The following SLC22A23 variants were observed in gnomAD, a reference collection of about 807,000 sequenced individuals.
SLC22A23 encodes the protein ion transporter protein.
A neutral mutation model predicts 61.0 loss-of-function variants in SLC22A23; 26 were observed. The observed-to-expected ratio is 0.43, with a 90% confidence interval of 0.31 to 0.59. The LOEUF (loss-of-function observed/expected upper bound fraction) is 0.59, where lower values mean the gene tolerates loss of function less well. Ranked by LOEUF, SLC22A23 falls within the 20% of genes least tolerant of loss-of-function variation. The pLI is 0.11. For synonymous variants in SLC22A23, 430 were observed against 413.9 expected, an observed-to-expected ratio of 1.04 and a Z score of -0.47; for missense variants, 796 against 934.7, an observed-to-expected ratio of 0.85 and a Z score of 1.94.
chr6:3,444,035 A>G (rs890665384), intron 1 of SLC22A23, among the ~76,000 whole-genome samples: 1 of 152,196 alleles, frequency 6.6e-6, no homozygotes, highest in Non-Finnish European at 1.5e-5. Flanking sequence ...ATGTAATTTA[A>G]ATTTGTTTTA....
intron 3 of SLC22A23, among the ~76,000 whole-genome samples, chr6:3,362,892 T>C (rs1186395631): frequency 1.3e-5 from 2 of 152,226 alleles, no homozygotes; most frequent in Admixed American, 6.5e-5. Context: ...GTGCCAGCTT[T>C]TGCCATGACC....
intron 3 of SLC22A23, among the ~76,000 whole-genome samples, chr6:3,350,810 C>G (rs766978892): frequency 6.6e-6 from 1 of 152,072 alleles, no homozygotes; most frequent in African/African-American, 2.4e-5. Flanking sequence ...ATTTTCACAT[C>G]AGAGAGAGAA....
At chr6:3,307,149 T>A (rs935095350) in intron 4 of SLC22A23, among the ~76,000 whole-genome samples, 2 of 152,154 alleles carry the variant, frequency 1.3e-5, no homozygotes, top group Admixed American at 1.3e-4. Flanking sequence ...CAGGTGGCAC[T>A]TGGTTACTGA....
In SLC22A23 at chr6:3,277,228, A is replaced by G. The variant is rs78824374; in HGVS notation, c.1704-3816T>C. Among the ~76,000 whole-genome samples the G allele has an allele frequency of 1.8e-3, 273 of 152,174 alleles. 1 individual carries two copies. The highest frequency in any genetic ancestry group is 5.3e-3 in the African/African-American group (222 of 41,522). ...CCTCTCCCATGGGCCTAAAGCCTCC[A>G]GGCATGACATGGAGTCCTAAAAGTT... is the stretch of plus-strand genomic sequence containing the variant. On this transcript the variant is annotated intron_variant, in intron 9 of 9. Transcript: ENST00000406686.
Position 3,286,779 on chromosome 6 carries a change from C to A in SLC22A23, c.1546+80G>T, listed in dbSNP as rs1760049792. On this transcript the variant is annotated intron_variant, in intron 7 of 9. Transcript: ENST00000406686. This position sits in a 1 kb window ranked among gnomAD's most constrained non-coding sequence, Gnocchi z 4.2. ...TAGATTTTAGAGTGGCCAGCGGAGTCTTATGCAGCCCTTTCAAATGCCCTT... is the reference window on the plus strand; with the variant it reads ...TAGATTTTAGAGTGGCCAGCGGAGTATTATGCAGCCCTTTCAAATGCCCTT... The A allele has an allele frequency of 2.4e-6, 3 of 1,232,982 alleles. No individual in the cohort carries two copies. Among genetic ancestry groups the A allele is most frequent in the South Asian group, 2.7e-5 (2 of 74,648 alleles). The allele number at this position is 1,232,982 out of a possible 1,614,324, so 76.4% of individuals were successfully genotyped here.
chr6:3,352,568 G>A (rs1489643281), intron 3 of SLC22A23, among the ~76,000 whole-genome samples: 1 of 152,160 alleles, frequency 6.6e-6, no homozygotes, highest in Non-Finnish European at 1.5e-5. Context: ...ATAACAAAAG[G>A]GAGAAAAGGC....
Position 3,323,875 on chromosome 6 carries a change from G to C in SLC22A23, c.1041C>G (p.Ala347=). The C allele has an allele frequency of 1.2e-6, 2 of 1,614,108 alleles. No homozygotes were observed. The highest frequency in any genetic ancestry group is 1.7e-6 in the Non-Finnish European group (2 of 1,180,010). The part of the protein sequence containing the change: ...ALCRDWQVLQ[A]LIICPFLLML... ...TGAGCAGGAAGGGGCAGATGATGAG[G>C]GCCTGCAGCACCTGCCAATCCCGGC... is the stretch of plus-strand genomic sequence containing the variant. The change falls in exon 4 of 10, where the codon GCC becomes GCG. Residue 347 remains alanine (A), a synonymous_variant. Transcript: ENST00000406686.
intron 3 of SLC22A23, among the ~76,000 whole-genome samples, chr6:3,397,968 A>G (rs1425383083): frequency 6.6e-6 from 1 of 152,282 alleles, no homozygotes. Context: ...GGGGCCTCCC[A>G]GCAAACACTT....
At position 3,284,995 on chromosome 6, in the gene SLC22A23, C is replaced by A. The variant is rs575688894; in HGVS notation, c.1579+84G>T. On this transcript the variant is annotated intron_variant, in intron 8 of 9. Transcript: ENST00000406686. ...AACGGGGAGAAAGAGAAAATGGAAA[C>A]CACAGGTCCGTGAGTCTTCGAGAAA... 1.7e-5 allele frequency: 27 copies of A among 1,566,410 alleles called. No individual in the cohort carries two copies. The African/African-American group carries it at 3.3e-4, about 19-fold the overall frequency.
rs1360220293 is a variant in SLC22A23 at position 3,289,862 on chromosome 6, C to T, written c.1215G>A (p.Leu405=). Residue 405 remains leucine (L), a synonymous_variant, in exon 6 of 10, where the codon CTG becomes CTA. Coordinates refer to ENST00000406686, the MANE Select transcript of SLC22A23 (RefSeq NM_015482.2). ...EGDIKGVIPE[L]EKELSRRPKK... is the part of the protein sequence containing the mutation. The stretch of plus-strand genomic sequence containing the variant: ...TGGGCCTCCGGGAAAGCTCTTTCTC[C>T]AGCTCTGCAAAGAAACAGACCCTGT... The T allele has an allele frequency of 1.2e-6, 2 of 1,613,692 alleles. No homozygotes were observed. Among genetic ancestry groups the T allele is most frequent in the Non-Finnish European group, 1.7e-6 (2 of 1,179,960 alleles).
intron 8 of SLC22A23, 176 bp downstream of exon 8, chr6:3,284,903 G>A (rs887050257): frequency 6.5e-7 from 1 of 1,537,858 alleles, no homozygotes; most frequent in Non-Finnish European, 8.7e-7. Context: ...GAGGCAAGAG[G>A]GAGAATACAA....
intron 3 of SLC22A23, among the ~76,000 whole-genome samples, chr6:3,395,305 G>C (rs1342945799): frequency 6.6e-6 from 1 of 152,108 alleles, no homozygotes; most frequent in African/African-American, 2.4e-5. Flanking sequence ...ACAAATGCAG[G>C]TCTAACAGGT....
intron 3 of SLC22A23, among the ~76,000 whole-genome samples, chr6:3,366,451 T>C (rs975969002): frequency 4.0e-5 from 6 of 151,778 alleles, no homozygotes; most frequent in Non-Finnish European, 8.8e-5. Context: ...GGTATTCTCC[T>C]CTGTTAAATG....
rs770928245 is a variant in SLC22A23, at chr6:3,286,938, G to A, written c.1467C>T (p.Phe489=). The change falls in exon 7 of 10, where the codon TTC becomes TTT. Residue 489 remains phenylalanine (F), a synonymous_variant. Transcript: ENST00000406686. The surrounding 1 kb of genome is among the most constrained non-coding windows in gnomAD (Gnocchi z 4.2). ...SCLAMCVVVR[F]LGRRGGLLLF... ...GCAGCAGCCCTCCCCTGCGCCCGAG[G>A]AATCGGACCACCACGCACATGGCCA... The A allele has an allele frequency of 8.7e-6, 14 of 1,613,872 alleles. No homozygotes were observed. The highest frequency in any genetic ancestry group is 1.1e-5 in the Non-Finnish European group (13 of 1,180,020).
chr6:3,451,616 G>A (rs987727114), intron 1 of SLC22A23, among the ~76,000 whole-genome samples: 2 of 152,286 alleles, frequency 1.3e-5, no homozygotes, highest in Non-Finnish European at 1.5e-5. Context: ...CTTGGGCTGC[G>A]CAGGGAATGC....
intron 5 of SLC22A23, among the ~76,000 whole-genome samples, chr6:3,296,664 T>C (rs4580918): frequency 0.92 from 140,415 of 152,230 alleles, 64,924 homozygotes; most frequent in African/African-American, 0.97. Flanking sequence ...ACCTGGCTCA[T>C]GTCCTTCTTC....
At chr6:3,380,395 C>T (rs767185552) in intron 3 of SLC22A23, among the ~76,000 whole-genome samples, 4 of 152,168 alleles carry the variant, frequency 2.6e-5, no homozygotes, top group Non-Finnish European at 5.9e-5. Context: ...CAGGGAATAA[C>T]TAATTTGGAT....
intron 3 of SLC22A23, among the ~76,000 whole-genome samples, chr6:3,368,862 C>A (rs1251638505): frequency 6.6e-6 from 1 of 152,116 alleles, no homozygotes; most frequent in Admixed American, 6.5e-5. Context: ...GTTCGTTATG[C>A]AGCTTGTTTA....
Position 3,289,975 on chromosome 6 carries a change from G to A in SLC22A23, c.1211-109C>T, listed in dbSNP as rs55959475. 1.6e-3 allele frequency: 879 copies of A among 544,340 alleles called. 10 individuals are homozygous for A. In the African/African-American group the frequency reaches 0.016, roughly 10 times the overall value. 33.7% of individuals were successfully genotyped at this position (544,340 alleles called of 1,614,324 possible). A position where few individuals can be genotyped will look rare whatever the true frequency, so the allele number is the denominator to read the frequency against. ...CAGTTCGGGTACCACAGAAGGGAGAGAGAAGCTTTTTTTTTTTTTTTTTTT... is the reference window on the plus strand; with the variant it reads ...CAGTTCGGGTACCACAGAAGGGAGAAAGAAGCTTTTTTTTTTTTTTTTTTT... On this transcript the variant is annotated intron_variant, in intron 5 of 9. Transcript: ENST00000406686.
Sources: allele counts gnomAD v4.1 joint callset (sites outside exome capture counted in the v4.1 genomes callset), GRCh38; gene constraint gnomAD v4.1.1; non-coding constraint Gnocchi (gnomAD v3.1); transcripts MANE v1.5; gene names NCBI Gene and HGNC (gene_info 2026-07-23, HGNC 2026-07-21).